Variants in CCN5 observed in about 807,000 individuals in gnomAD.
The protein encoded by CCN5 is CCN family member 5.
A neutral mutation model predicts 18.7 loss-of-function variants in CCN5; 17 were observed. That is an observed-to-expected ratio of 0.91 (90% confidence interval 0.62 to 1.36). The LOEUF is 1.36. CCN5 is among the 40% of genes most tolerant of loss of function. The pLI is 0.00. For missense variants in CCN5, 367 were observed against 342.9 expected (o/e 1.07, Z -0.56); for synonymous variants, 135 against 145.2 (o/e 0.93, Z 0.50).
intron 1 of CCN5, 99 bp downstream of exon 1, chr20:44,715,549 T>A: frequency 3.0e-6 from 4 of 1,327,160 alleles, no homozygotes; most frequent in Non-Finnish European, 4.2e-6. Context: ...GCAGAATTCC[T>A]CCAGGGCCCC....
chr20:44,716,191 C>T (rs1481952004), intron 1 of CCN5, among the ~76,000 whole-genome samples: 1 of 152,186 alleles, frequency 6.6e-6, no homozygotes, highest in Non-Finnish European at 1.5e-5. Context: ...TAGAGGAGAG[C>T]CATGGTGGAG....
At chr20:44,718,380 C>T (rs1484436036) in intron 1 of CCN5, among the ~76,000 whole-genome samples, 1 of 152,124 alleles carries the variant, frequency 6.6e-6, no homozygotes, top group East Asian at 1.9e-4. Context: ...TTAATTCCAT[C>T]ATTATAAACT....
intron 2 of CCN5, among the ~76,000 whole-genome samples, chr20:44,721,769 G>T (rs2065901720): frequency 6.6e-6 from 1 of 152,254 alleles, no homozygotes; most frequent in African/African-American, 2.4e-5. Flanking sequence ...GACACTGAGG[G>T]TTTCACAAAT....
intron 3 of CCN5, among the ~76,000 whole-genome samples, chr20:44,726,445 T>TG (rs150470300): frequency 0.021 from 3,263 of 152,110 alleles, 109 homozygotes; most frequent in African/African-American, 0.073. Flanking sequence ...AATTATTTGT[T>TG]GGGGGGGTTT....
In CCN5 at chr20:44,715,408, G is replaced by C. The variant is rs1295739990; in HGVS notation, c.18G>C (p.Lys6Asn). ...CAGGGGACATGAGAGGCACACCGAA[G>C]ACCCACCTCCTGGCCTTCTCCCTCC... is the stretch of plus-strand genomic sequence containing the variant. MRGTPKTHLLAFSLLC... is the reference protein window; with the variant it reads MRGTPNTHLLAFSLLC... Residue 6 changes from lysine to asparagine, a missense_variant, in exon 1 of 4, where the codon AAG (lysine) becomes AAC (asparagine). Transcript: ENST00000190983. 6.2e-7 allele frequency: 1 copy of C among 1,603,666 alleles called. No individual in the cohort carries two copies. Among genetic ancestry groups the C allele is most frequent in the East Asian group, 2.2e-5 (1 of 44,586 alleles).
intron 3 of CCN5, among the ~76,000 whole-genome samples, chr20:44,725,894 G>A (rs969489470): frequency 2.6e-5 from 4 of 152,114 alleles, no homozygotes; most frequent in Non-Finnish European, 4.4e-5. Flanking sequence ...ATTATCACAT[G>A]AATGTGACTT....
chr20:44,723,113 C>T (rs1445553678), intron 2 of CCN5, among the ~76,000 whole-genome samples: 2 of 152,134 alleles, frequency 1.3e-5, no homozygotes, highest in African/African-American at 4.8e-5. Flanking sequence ...GACCTCCTCT[C>T]CTCCTGCTCT....
intron 3 of CCN5, among the ~76,000 whole-genome samples, chr20:44,726,136 A>T (rs2065934819): frequency 6.6e-6 from 1 of 152,126 alleles, no homozygotes; most frequent in South Asian, 2.1e-4. Context: ...GAACTACTTG[A>T]GTTTGTTCAA....
At chr20:44,715,211 A>C, upstream of CCN5, 31 of 587,994 alleles carry the variant, frequency 5.3e-5, no homozygotes, top group East Asian at 1.5e-4. Flanking sequence ...GAAGCAAGGA[A>C]TGAAAAAGCT....
chr20:44,717,815 G>A (rs1311646493), intron 1 of CCN5, among the ~76,000 whole-genome samples: 1 of 151,022 alleles, frequency 6.6e-6, no homozygotes, highest in Non-Finnish European at 1.5e-5. Context: ...GGAGGCGAAG[G>A]TTGCAGTGAG....
chr20:44,725,031 TG>T, intron 3 of CCN5, 39 bp downstream of exon 3: 3 of 1,482,344 alleles, frequency 2.0e-6, no homozygotes, highest in Non-Finnish European at 1.8e-6. Flanking sequence ...CAGGACTGCC[TG>T]GGGGCGCCAA....
rs78282907 is a variant in CCN5 at position 44,727,617 on chromosome 20, C to T, written c.*310C>T. On this transcript the variant is annotated 3_prime_UTR_variant, in exon 4 of 4. Coordinates refer to ENST00000190983, the MANE Select transcript of CCN5 (RefSeq NM_003881.4). Reference sequence around the variant, plus strand: ...AGCCTATATCAAACATGCACACGGGCGAGCTTTCTCTCCGACTTCCCCTGG... The same window carrying T: ...AGCCTATATCAAACATGCACACGGGTGAGCTTTCTCTCCGACTTCCCCTGG... The T allele has an allele frequency of 1.7e-5, 17 of 1,004,354 alleles. No homozygotes were observed. Among genetic ancestry groups the T allele is most frequent in the East Asian group, 9.8e-5 (3 of 30,584 alleles). The allele number at this position is 1,004,354 out of a possible 1,614,324, so 62.2% of individuals were successfully genotyped here.
intron 2 of CCN5, 185 bp from the exon 3 acceptor site, chr20:44,724,553 G>A (rs1202625665): frequency 9.4e-6 from 8 of 853,254 alleles, no homozygotes; most frequent in Non-Finnish European, 1.4e-5. Context: ...TCCCTGTGCC[G>A]GGATCCAGGG....
At chr20:44,723,002 C>G (rs185542269) in intron 2 of CCN5, among the ~76,000 whole-genome samples, 1 of 152,264 alleles carries the variant, frequency 6.6e-6, no homozygotes, top group East Asian at 1.9e-4. Context: ...CCTCCCTCCT[C>G]TGCCCCAAGC....
chr20:44,715,339 A>G (rs540569348), upstream of CCN5: 16 of 1,556,828 alleles, frequency 1.0e-5, no homozygotes, highest in East Asian at 2.4e-5. Flanking sequence ...CTGCCGGAAC[A>G]TAAAGACTCA....
intron 2 of CCN5, 182 bp downstream of exon 2, chr20:44,720,295 T>A: frequency 1.5e-6 from 1 of 663,988 alleles, no homozygotes; most frequent in South Asian, 1.8e-5. Context: ...TCTCCCTTCT[T>A]GGCCTCTGCT....
rs149278206 is a variant in CCN5 at position 44,718,401 on chromosome 20, A to C, written c.61-1496A>C. The stretch of plus-strand genomic sequence containing the variant: ...CCATCATTATAAACTGCAAGCCTCC[A>C]TTCCTCTAGATGAAACCCTCATCCC... On this transcript the variant is annotated intron_variant, in intron 1 of 3. Coordinates refer to ENST00000190983, the MANE Select transcript of CCN5 (RefSeq NM_003881.4). Among the ~76,000 whole-genome samples, 1,501 of 152,270 alleles carry C rather than the reference A, an allele frequency of 9.9e-3. 19 individuals are homozygous for C. The highest frequency in any genetic ancestry group is 0.03 in the African/African-American group (1,242 of 41,544).
In CCN5 at chr20:44,727,156, G is replaced by T; in HGVS notation, c.602G>T (p.Trp201Leu). ...CCCTGCCCAGAATGGAGCACGGCCT[G>T]GGGACCCTGCTCGACCACCTGTGGG... ...GVPCPEWSTA[W>L]GPCSTTCGLG... Residue 201 changes from tryptophan (W) to leucine (L), a missense_variant, in exon 4 of 4, where the codon TGG becomes TTG. Physicochemically the swap from Trp to Leu is moderately conservative, Grantham distance 61. Transcript: ENST00000190983. The T allele has an allele frequency of 6.2e-7, 1 of 1,613,694 alleles. No individual in the cohort carries two copies. The highest frequency in any genetic ancestry group is 8.5e-7 in the Non-Finnish European group (1 of 1,179,840).
chr20:44,715,126 G>A (rs1000790689), upstream of CCN5: 5 of 480,722 alleles, frequency 1.0e-5, no homozygotes, highest in South Asian at 4.2e-5. Flanking sequence ...ACACGGACAG[G>A]CACCCCCTTG....
Sources: allele counts gnomAD v4.1 joint callset (sites outside exome capture counted in the v4.1 genomes callset), GRCh38; gene constraint gnomAD v4.1.1; transcripts MANE v1.5; gene names NCBI Gene and HGNC (gene_info 2026-07-23, HGNC 2026-07-21).